MEGF11: variants seen among roughly 807,000 people sequenced by gnomAD.
The protein encoded by MEGF11 is multiple epidermal growth factor-like domains protein 11.
In MEGF11, 126 loss-of-function variants were observed where a neutral mutation model predicts 146.6. The observed-to-expected ratio is 0.86, with a 90% CI of 0.74 to 1.00. MEGF11 has a LOEUF of 1.00. Ranked by LOEUF, MEGF11 falls within the 50% of genes least tolerant of loss-of-function variation. The pLI is 0.00. For missense variants in MEGF11, 1,509 were observed against 1,521.2 expected, an observed-to-expected ratio of 0.99 and a Z score of 0.13; for synonymous variants, 532 against 583.4, an observed-to-expected ratio of 0.91 and a Z score of 1.27.
chr15:65,954,410 T>C (rs1004798833), intron 10 of MEGF11, among the ~76,000 whole-genome samples: 10 of 152,194 alleles, frequency 6.6e-5, no homozygotes, highest in Non-Finnish European at 1.2e-4. Context: ...ACAAGAGTAA[T>C]GGCTTCCCCC....
At chr15:66,249,897 T>G (rs2056883877) in intron 1 of MEGF11, among the ~76,000 whole-genome samples, 1 of 152,184 alleles carries the variant, frequency 6.6e-6, no homozygotes, top group Non-Finnish European at 1.5e-5. Context: ...GAAGAAATGC[T>G]TTACTAGGAA....
At chr15:66,137,928 G>A (rs913612974) in intron 1 of MEGF11, among the ~76,000 whole-genome samples, 1 of 152,116 alleles carries the variant, frequency 6.6e-6, no homozygotes, top group African/African-American at 2.4e-5. Flanking sequence ...GCACAGTGAT[G>A]CATGCCTGCA....
rs780268454 is a variant in MEGF11, at chr15:65,965,134, G to A, written c.900-14C>T. The A allele has an allele frequency of 6.4e-7, 1 of 1,561,622 alleles. No homozygotes were observed. The highest frequency in any genetic ancestry group is 2.3e-5 in the East Asian group (1 of 42,870). On this transcript the variant is annotated splice_polypyrimidine_tract_variant and intron_variant, in intron 8 of 25. Transcript: ENST00000395614. Reference sequence around the variant, plus strand: ...TCCTCTTGGCACCTGTGGGAGAGCAGAGTGGGGCTGAGGCTGTGGGCCAGG... The same window carrying A: ...TCCTCTTGGCACCTGTGGGAGAGCAAAGTGGGGCTGAGGCTGTGGGCCAGG...
chr15:66,199,995 T>C (rs886302675), intron 1 of MEGF11, among the ~76,000 whole-genome samples: 1 of 152,164 alleles, frequency 6.6e-6, no homozygotes, highest in Non-Finnish European at 1.5e-5. Flanking sequence ...TATAATAACA[T>C]TAGGAAATTC....
At chr15:65,941,676 T>G (rs890005610) in intron 10 of MEGF11, among the ~76,000 whole-genome samples, 1 of 152,192 alleles carries the variant, frequency 6.6e-6, no homozygotes, top group Non-Finnish European at 1.5e-5. Context: ...CTGTACCGAG[T>G]TTAGAGAAGG....
chr15:66,020,971 G>A (rs2083094279), intron 5 of MEGF11, among the ~76,000 whole-genome samples: 1 of 131,630 alleles, frequency 7.6e-6, no homozygotes, highest in Non-Finnish European at 1.6e-5. Context: ...CAGCCTGGGC[G>A]ACAGAGCGAA....
intron 5 of MEGF11, among the ~76,000 whole-genome samples, chr15:65,994,853 A>T (rs2141792352): frequency 6.6e-6 from 1 of 152,332 alleles, no homozygotes; most frequent in African/African-American, 2.4e-5. Context: ...GGCAAAGGCA[A>T]CATCTGGAGC....
rs8041653 is a variant in MEGF11, at chr15:66,163,413, A to C, written c.-8-35002T>G. Among the ~76,000 whole-genome samples the C allele has an allele frequency of 6.1e-3, 922 of 152,232 alleles. 8 individuals are homozygous for C. Among genetic ancestry groups the C allele is most frequent in the African/African-American group, 0.021 (862 of 41,544 alleles). ...GGGAGAAGAAAGGGCTTGTGAACTG[A>C]AGTGGAGGAGCGCTCCAGTGATGGA... On this transcript the variant is annotated intron_variant, in intron 1 of 25. Transcript: ENST00000395614.
chr15:66,023,943 C>A (rs376360715), intron 5 of MEGF11, among the ~76,000 whole-genome samples: 24 of 152,080 alleles, frequency 1.6e-4, no homozygotes, highest in African/African-American at 5.3e-4. Context: ...TACAGGGTTG[C>A]CAGTGGTGGG....
chr15:65,933,190 A>T lies in MEGF11; in HGVS notation c.1288-2247T>A, dbSNP rs574782556. Among the ~76,000 whole-genome samples the T allele has an allele frequency of 1.3e-3, 205 of 152,308 alleles. 2 individuals are homozygous for T. The highest frequency in any genetic ancestry group is 4.5e-3 in the African/African-American group (188 of 41,570). ...CCTGCTCTTTCCCCCACCAGTCCCC[A>T]GCAGGCCTGACCAGTTGGAGTCTGT... On this transcript the variant is annotated intron_variant, in intron 10 of 25. Coordinates refer to ENST00000395614, the MANE Select transcript of MEGF11 (RefSeq NM_001385028.1).
intron 1 of MEGF11, among the ~76,000 whole-genome samples, chr15:66,170,172 G>C (rs1299765812): frequency 6.6e-6 from 1 of 152,210 alleles, no homozygotes; most frequent in Admixed American, 6.5e-5. Flanking sequence ...GCCTGAGTCA[G>C]AACCTGGGTG....
chr15:66,128,170 A>C (rs1321181001), intron 2 of MEGF11, 136 bp downstream of exon 2: 1 of 504,042 alleles, frequency 2.0e-6, no homozygotes, highest in South Asian at 3.9e-5. Flanking sequence ...GTCTCTCAGC[A>C]TGTGGGCCAT....
intron 5 of MEGF11, among the ~76,000 whole-genome samples, chr15:66,084,661 C>T (rs1319572860): frequency 6.6e-6 from 1 of 152,156 alleles, no homozygotes; most frequent in Non-Finnish European, 1.5e-5. Context: ...TAGTGGTCCC[C>T]AGGCAGCCCA....
At chr15:65,931,126 G>C (rs900756069) in intron 10 of MEGF11, among the ~76,000 whole-genome samples, 183 bp from the exon 11 acceptor site, 1 of 152,308 alleles carries the variant, frequency 6.6e-6, no homozygotes, top group Middle Eastern at 3.4e-3. Context: ...TGGAGATGGA[G>C]AGAATGTCAG....
intron 5 of MEGF11, among the ~76,000 whole-genome samples, chr15:66,070,402 T>C (rs1855214675): frequency 6.6e-6 from 1 of 152,200 alleles, no homozygotes; most frequent in South Asian, 2.1e-4. Flanking sequence ...CCCAAGCCTG[T>C]CCTGGCTAGG....
chr15:66,029,421 A>G (rs2083443431), intron 5 of MEGF11, among the ~76,000 whole-genome samples: 1 of 152,164 alleles, frequency 6.6e-6, no homozygotes, highest in African/African-American at 2.4e-5. Flanking sequence ...TTTGGAAACT[A>G]TACATCCTGT....
chr15:66,008,377 A>G (rs551640790), intron 5 of MEGF11, among the ~76,000 whole-genome samples: 42 of 149,800 alleles, frequency 2.8e-4, no homozygotes, highest in Middle Eastern at 3.4e-3. Context: ...GTACTAAGTC[A>G]TTCACGATGA....
intron 1 of MEGF11, among the ~76,000 whole-genome samples, chr15:66,230,128 G>A (rs2091939123): frequency 6.6e-6 from 1 of 152,138 alleles, no homozygotes; most frequent in Admixed American, 6.5e-5. Flanking sequence ...CATCCCTCCA[G>A]CTGCCTCCGA....
At chr15:66,125,605 G>A (rs983667593) in intron 2 of MEGF11, among the ~76,000 whole-genome samples, 8 of 152,322 alleles carry the variant, frequency 5.3e-5, no homozygotes, top group Admixed American at 5.2e-4. Flanking sequence ...GAGGATTAAA[G>A]GAGGGCAGTA....
Sources: gnomAD v4.1 joint callset for allele counts (sites outside exome capture counted in the v4.1 genomes callset) on GRCh38, gnomAD v4.1.1 for gene constraint, MANE v1.5 for transcripts, NCBI Gene and HGNC (gene_info 2026-07-23, HGNC 2026-07-21) for gene names.